Variants in PRKCQ observed in about 807,000 individuals in gnomAD.
PRKCQ encodes the protein protein kinase C theta.
In PRKCQ, 41 loss-of-function variants were observed where a neutral mutation model predicts 91.2. The ratio of observed to expected loss-of-function variants is 0.45; its 90% CI spans 0.35 to 0.58. The LOEUF is 0.58. PRKCQ is among the 20% of genes least tolerant of loss of function. PRKCQ has a pLI of 0.00. For synonymous variants in PRKCQ, 307 were observed against 316.9 expected (o/e 0.97, Z 0.33); for missense variants, 673 against 896.5 (o/e 0.75, Z 3.18).
chr10:6,491,359 G>C (rs1436106317), intron 8 of PRKCQ, among the ~76,000 whole-genome samples: 1 of 152,222 alleles, frequency 6.6e-6, no homozygotes, highest in African/African-American at 2.4e-5. Flanking sequence ...GAGGAAACTA[G>C]TAGTAGAAAG....
At chr10:6,514,752 A>G (rs1298693177) in intron 2 of PRKCQ, among the ~76,000 whole-genome samples, 2 of 152,078 alleles carry the variant, frequency 1.3e-5, no homozygotes, top group Non-Finnish European at 2.9e-5. Context: ...AATTTCCTCA[A>G]CCCAGCTTTC....
At chr10:6,423,740 C>T (rs962678276), downstream of PRKCQ, among the ~76,000 whole-genome samples, 55 of 152,322 alleles carry the variant, frequency 3.6e-4, no homozygotes, top group Middle Eastern at 3.4e-3. Flanking sequence ...CTTTGGCTGC[C>T]TTGTGGTCTT....
chr10:6,457,119 G>A (rs965858534), intron 14 of PRKCQ, among the ~76,000 whole-genome samples: 3 of 152,144 alleles, frequency 2.0e-5, no homozygotes, highest in African/African-American at 2.4e-5. Context: ...GACGAAGGAG[G>A]AAAACCTAAA....
chr10:6,467,035 G>C (rs1835688761), intron 12 of PRKCQ, among the ~76,000 whole-genome samples: 1 of 152,050 alleles, frequency 6.6e-6, no homozygotes. Flanking sequence ...AAACAAAATA[G>C]TGTGTGTGGA....
chr10:6,557,273 C>T (rs1401539276), intron 1 of PRKCQ, among the ~76,000 whole-genome samples: 18 of 152,172 alleles, frequency 1.2e-4, no homozygotes, highest in African/African-American at 3.9e-4. Flanking sequence ...CCTGCAAGAG[C>T]GCTGATGACT....
At chr10:6,543,674 G>T (rs941394060) in intron 1 of PRKCQ, among the ~76,000 whole-genome samples, 2 of 152,196 alleles carry the variant, frequency 1.3e-5, no homozygotes, top group Non-Finnish European at 2.9e-5. Flanking sequence ...ACAGCAGGTT[G>T]CTGACAAGGC....
At position 6,576,671 on chromosome 10, in the gene PRKCQ, G is replaced by C. The variant is rs530919658; in HGVS notation, c.-10+3540C>G. On this transcript the variant is annotated intron_variant, in intron 1 of 17. Transcript: ENST00000263125. The surrounding 1 kb of genome is among the most constrained non-coding windows in gnomAD (Gnocchi z 4.2). ...TGAATATACTTAATGTCACTGAACT[G>C]TACGCTAGAAAATAGTTAAGAAGTT... Among the ~76,000 whole-genome samples, 162 of 152,352 alleles carry C rather than the reference G, an allele frequency of 1.1e-3. No individual in the cohort carries two copies. Among genetic ancestry groups the C allele is most frequent in the African/African-American group, 3.8e-3 (158 of 41,582 alleles).
intron 16 of PRKCQ, among the ~76,000 whole-genome samples, chr10:6,436,551 C>T (rs1174832543): frequency 2.0e-5 from 3 of 152,182 alleles, no homozygotes; most frequent in African/African-American, 7.2e-5. Flanking sequence ...TGTGCTGCAT[C>T]CTGAGAGTCA....
chr10:6,472,225 G>A (rs573912784), intron 12 of PRKCQ, among the ~76,000 whole-genome samples: 5 of 151,882 alleles, frequency 3.3e-5, no homozygotes, highest in South Asian at 2.1e-4. Flanking sequence ...GGAGAATGGC[G>A]TGAACCCGGG....
intron 1 of PRKCQ, among the ~76,000 whole-genome samples, chr10:6,537,865 T>G (rs896611458): frequency 5.9e-5 from 9 of 152,228 alleles, no homozygotes; most frequent in African/African-American, 2.2e-4. Flanking sequence ...TCCCCTTTTC[T>G]GGTTCCTCTT....
At chr10:6,437,194 C>T (rs944715) in intron 16 of PRKCQ, among the ~76,000 whole-genome samples, 29,935 of 152,146 alleles carry the variant, frequency 0.2, 3,439 homozygotes, top group Non-Finnish European at 0.25. Flanking sequence ...TCAAAATACA[C>T]ATGTTGATGC....
chr10:6,511,899 G>C (rs1195311424), intron 2 of PRKCQ, among the ~76,000 whole-genome samples: 1 of 151,782 alleles, frequency 6.6e-6, no homozygotes, highest in Non-Finnish European at 1.5e-5. Flanking sequence ...TATTGGGTTG[G>C]TTTCAAAATG....
the PRKCQ span, among the ~76,000 whole-genome samples, chr10:6,420,301 T>G: frequency 6.6e-6 from 1 of 152,206 alleles, no homozygotes; most frequent in Non-Finnish European, 1.5e-5. Flanking sequence ...TGAGTTGGGC[T>G]TCTTCCCTAA....
chr10:6,413,728 C>T, the PRKCQ span, among the ~76,000 whole-genome samples: 1 of 109,078 alleles, frequency 9.2e-6, no homozygotes, highest in Non-Finnish European at 1.9e-5. Context: ...CACTTGTGCG[C>T]GCGCACACAC....
At chr10:6,524,723 C>T (rs898554513) in intron 1 of PRKCQ, among the ~76,000 whole-genome samples, 1 of 152,186 alleles carries the variant, frequency 6.6e-6, no homozygotes, top group Non-Finnish European at 1.5e-5. Flanking sequence ...GCCACCAGTA[C>T]TGATGTGAAG....
intron 15 of PRKCQ, among the ~76,000 whole-genome samples, chr10:6,450,937 G>A (rs1834635163): frequency 1.3e-5 from 2 of 152,066 alleles, no homozygotes; most frequent in Admixed American, 1.3e-4. Flanking sequence ...GTGTGTAGAG[G>A]GAAATTTATA....
At chr10:6,416,753 T>A in the PRKCQ span, among the ~76,000 whole-genome samples, 1 of 152,264 alleles carries the variant, frequency 6.6e-6, no homozygotes, top group African/African-American at 2.4e-5. Context: ...CTGGATTGAA[T>A]GGTAGTTCTA....
intron 1 of PRKCQ, among the ~76,000 whole-genome samples, chr10:6,516,192 A>C (rs1838745501): frequency 6.6e-6 from 1 of 152,256 alleles, no homozygotes. Context: ...TCAGTAACAT[A>C]CCTGGAGATC....
intron 15 of PRKCQ, among the ~76,000 whole-genome samples, chr10:6,447,811 C>T (rs688853): frequency 0.09 from 13,628 of 152,206 alleles, 975 homozygotes; most frequent in East Asian, 0.36. Flanking sequence ...CTTACAGACA[C>T]GTTTGTAGGT....
Sources: gnomAD v4.1 joint callset for allele counts (sites outside exome capture counted in the v4.1 genomes callset) on GRCh38, gnomAD v4.1.1 for gene constraint, Gnocchi (gnomAD v3.1) non-coding constraint, MANE v1.5 for transcripts, NCBI Gene and HGNC (gene_info 2026-07-23, HGNC 2026-07-21) for gene names.